The following CDC42BPA variants were observed in gnomAD, a reference collection of about 807,000 sequenced individuals.
CDC42BPA encodes CDC42 binding protein kinase alpha, also known as serine/threonine-protein kinase MRCK alpha.
A neutral mutation model predicts 223.5 loss-of-function variants in CDC42BPA; 80 were observed. That is an observed-to-expected ratio of 0.36 (90% CI 0.30 to 0.43). The LOEUF is 0.43. Among genes scored for constraint, CDC42BPA ranks in the 20% least tolerant of loss-of-function variants. The probability of loss-of-function intolerance (pLI) is 1.00; values close to 1 mark genes in which losing one functional copy is unlikely to be tolerated. For synonymous variants in CDC42BPA, 694 were observed against 718.6 expected (o/e 0.97, Z 0.55); for missense variants, 1,743 against 2,099.9 (o/e 0.83, Z 3.32).
chr1:227,234,834 C>A (rs1390495097), intron 2 of CDC42BPA: 1 of 152,188 alleles, frequency 6.6e-6, no homozygotes, highest in Non-Finnish European at 1.5e-5. Context: ...GCCCACAGGC[C>A]GCATGTGGCC....
chr1:227,258,005 A>G (rs1228581531), intron 1 of CDC42BPA, among the ~76,000 whole-genome samples: 1 of 150,336 alleles, frequency 6.7e-6, no homozygotes, highest in African/African-American at 2.5e-5. Context: ...CTCTGTCTCT[A>G]CAAAAATACA....
Position 227,119,894 on chromosome 1 carries a change from C to G in CDC42BPA, c.1557G>C (p.Val519=). The change falls in exon 12 of 37, where the codon GTG becomes GTC. Residue 519 remains valine, a synonymous_variant. Transcript: ENST00000366766. ...LEQQLEEANA[V]RQELDDAFRQ... ...TAAAAGCATCATCTAGTTCTTGCCT[C>G]ACAGCATTAGCTTCTTCAAGTTGCT... 1 of 1,601,328 alleles carries G rather than the reference C, an allele frequency of 6.2e-7. No homozygotes were observed. Among genetic ancestry groups the G allele is most frequent in the Non-Finnish European group, 8.5e-7 (1 of 1,174,132 alleles).
intron 30 of CDC42BPA, among the ~76,000 whole-genome samples, chr1:227,026,678 G>T (rs1175166693): frequency 1.3e-5 from 2 of 152,154 alleles, no homozygotes; most frequent in African/African-American, 2.4e-5. Flanking sequence ...TTAAACTAAG[G>T]TTACAAAGGG....
chr1:226,995,733 T>C (rs6664955), intron 35 of CDC42BPA, among the ~76,000 whole-genome samples: 57,398 of 152,034 alleles, frequency 0.38, 11,500 homozygotes, highest in Non-Finnish European at 0.46. Context: ...CAGAACACCC[T>C]GGGGAATCTC....
At chr1:227,220,301 T>C (rs1254508230) in intron 2 of CDC42BPA, among the ~76,000 whole-genome samples, 1 of 74,660 alleles carries the variant, frequency 1.3e-5, no homozygotes, top group African/African-American at 6.3e-5. Flanking sequence ...TATATATATA[T>C]ATATATATAT....
intron 6 of CDC42BPA, among the ~76,000 whole-genome samples, chr1:227,157,717 C>G (rs866835036): frequency 1.1e-4 from 17 of 151,872 alleles, no homozygotes; most frequent in Admixed American, 3.9e-4. Context: ...TTTATTTAGT[C>G]TCAATATTTT....
chr1:227,112,000 A>G (rs908110857), intron 14 of CDC42BPA: 1 of 201,070 alleles, frequency 5.0e-6, no homozygotes, highest in African/African-American at 2.3e-5. Flanking sequence ...TTTATGAGAT[A>G]TATAGAGGGT....
chr1:227,184,024 T>C (rs1668367396), intron 5 of CDC42BPA, among the ~76,000 whole-genome samples: 2 of 152,170 alleles, frequency 1.3e-5, no homozygotes, highest in African/African-American at 2.4e-5. Context: ...TATTGTCTTT[T>C]CCCTATTTTG....
rs774904651 is a variant in CDC42BPA, at chr1:227,043,916, A to G, written c.3094-3680T>C. ...GATTGCTGAGTCATACAGCTTACGT[A>G]TGACTCTACACTGTCTAGGTTCTCT... On this transcript the variant is annotated intron_variant, in intron 23 of 36. Transcript: ENST00000366766. 2.0e-4 allele frequency among the ~76,000 whole-genome samples: 31 copies of G among 152,086 alleles called. 1 individual carries two copies. Among genetic ancestry groups the G allele is most frequent in the Non-Finnish European group, 4.1e-4 (28 of 67,976 alleles).
intron 21 of CDC42BPA, among the ~76,000 whole-genome samples, chr1:227,062,291 A>T (rs1676079433): frequency 1.3e-5 from 2 of 152,028 alleles, no homozygotes; most frequent in Non-Finnish European, 1.5e-5. Context: ...TACTCCTCTT[A>T]TGTAGTTGTT....
At chr1:227,127,393 A>G (rs938990318) in intron 11 of CDC42BPA, among the ~76,000 whole-genome samples, 5 of 152,222 alleles carry the variant, frequency 3.3e-5, no homozygotes, top group Non-Finnish European at 5.9e-5. Flanking sequence ...CATCAATACC[A>G]TCTATTTCAA....
intron 12 of CDC42BPA, among the ~76,000 whole-genome samples, chr1:227,115,353 T>A (rs1211554341): frequency 6.6e-6 from 1 of 152,094 alleles, no homozygotes; most frequent in Non-Finnish European, 1.5e-5. Context: ...ATGATAAAAT[T>A]CAATACACTA....
At chr1:227,140,682 G>GA (rs1659504443) in intron 9 of CDC42BPA, among the ~76,000 whole-genome samples, 1 of 152,196 alleles carries the variant, frequency 6.6e-6, no homozygotes, top group Admixed American at 6.5e-5. Context: ...TGGAGTTGGG[G>GA]ATGGGTGGAC....
intron 21 of CDC42BPA, among the ~76,000 whole-genome samples, chr1:227,065,892 A>G (rs1304286495): frequency 6.6e-6 from 1 of 152,204 alleles, no homozygotes; most frequent in Non-Finnish European, 1.5e-5. Context: ...ATTCCCTTCT[A>G]TACGTACAAG....
chr1:227,277,932 G>A (rs1239250815), intron 1 of CDC42BPA, among the ~76,000 whole-genome samples: 2 of 151,938 alleles, frequency 1.3e-5, no homozygotes, highest in Non-Finnish European at 2.9e-5. Flanking sequence ...TGTATTTTTA[G>A]TAGAGACGGG....
chr1:227,073,817 G>C, intron 19 of CDC42BPA, 47 bp downstream of exon 19: 1 of 1,396,934 alleles, frequency 7.2e-7, no homozygotes. Context: ...AAATAATTAT[G>C]ACAAACTTAG....
intron 6 of CDC42BPA, among the ~76,000 whole-genome samples, chr1:227,148,286 C>T (rs1484624386): frequency 6.6e-6 from 1 of 152,048 alleles, no homozygotes; most frequent in African/African-American, 2.4e-5. Context: ...AAGACCCTAT[C>T]TCTGTAAAAA....
intron 2 of CDC42BPA, among the ~76,000 whole-genome samples, chr1:227,243,879 C>T (rs1046942180): frequency 1.1e-4 from 17 of 151,818 alleles, no homozygotes; most frequent in African/African-American, 3.9e-4. Context: ...CTTACCCAAC[C>T]CCAAAATGTG....
At position 227,199,733 on chromosome 1, in the gene CDC42BPA, T is replaced by C. The variant is rs1671391340; in HGVS notation, c.355-81A>G. ...ACAAAGAATTACTATGTTTATTATA[T>C]TATTTCTGTTCTGGAAAAGGAATAC... On this transcript the variant is annotated intron_variant, in intron 3 of 36. Transcript: ENST00000366766. 3 of 703,052 alleles carry C rather than the reference T, an allele frequency of 4.3e-6. No individual in the cohort carries two copies. The East Asian group carries it at 8.4e-5, about 20-fold the overall frequency. 43.6% of individuals were successfully genotyped at this position (703,052 alleles called of 1,614,324 possible).
Sources: gnomAD v4.1 joint callset for allele counts (sites outside exome capture counted in the v4.1 genomes callset) on GRCh38, gnomAD v4.1.1 for gene constraint, MANE v1.5 for transcripts, NCBI Gene and HGNC (gene_info 2026-07-23, HGNC 2026-07-21) for gene names.